The following ZDHHC15 variants were observed in gnomAD, a reference collection of about 807,000 sequenced individuals.
ZDHHC15 encodes palmitoyltransferase ZDHHC15.
In ZDHHC15, 19 loss-of-function variants were observed where a neutral mutation model predicts 31.7. The ratio of observed to expected loss-of-function variants is 0.60; its 90% CI spans 0.42 to 0.88. ZDHHC15 has a LOEUF of 0.88. ZDHHC15 is among the 40% of genes least tolerant of loss of function. ZDHHC15 has a pLI of 0.00. For synonymous variants in ZDHHC15, 103 were observed against 90.0 expected, an observed-to-expected ratio of 1.14 and a Z score of -0.82; for missense variants, 209 against 251.2, an observed-to-expected ratio of 0.83 and a Z score of 1.14.
At position 75,496,971 on chromosome X, in the gene ZDHHC15, GA is replaced by G. The variant is rs201842550; in HGVS notation, c.163+8849del. 3.0e-3 allele frequency among the ~76,000 whole-genome samples: 316 copies of G among 106,222 alleles called. 1 individual carries two copies. Among genetic ancestry groups the G allele is most frequent in the African/African-American group, 0.01 (296 of 29,312 alleles). 92.2% of individuals were successfully genotyped at this position (106,222 alleles called of 115,157 possible). A position where few individuals can be genotyped will look rare whatever the true frequency, so the allele number is the denominator to read the frequency against. ...AGAACAAACCAAACCAAAGCAAGTG[GA>G]AAAAAAAAGTAACAAAGTCAGAGCA... On this transcript the variant is annotated intron_variant, in intron 2 of 11. Coordinates refer to ENST00000373367, the MANE Select transcript of ZDHHC15 (RefSeq NM_144969.3).
At chrX:75,445,429 T>C (rs1331847843) in intron 4 of ZDHHC15, among the ~76,000 whole-genome samples, 1 of 112,035 alleles carries the variant, frequency 8.9e-6, no homozygotes, top group African/African-American at 3.2e-5. Context: ...GGTGACTATA[T>C]ATGATAATAT....
chrX:75,501,108 T>A (rs1303430819), intron 2 of ZDHHC15, among the ~76,000 whole-genome samples: 2 of 110,919 alleles, frequency 1.8e-5, no homozygotes, highest in Non-Finnish European at 3.8e-5. Flanking sequence ...TTTCTGTTCC[T>A]CTGCCTCCTC....
At chrX:75,522,423 C>A (rs1569378053) in intron 1 of ZDHHC15, among the ~76,000 whole-genome samples, 1 of 111,206 alleles carries the variant, frequency 9.0e-6, no homozygotes, top group East Asian at 2.9e-4. Context: ...AGTAGGAAAT[C>A]CCTAGTAGGA....
chrX:75,403,627 C>T (rs1049824801), intron 10 of ZDHHC15, among the ~76,000 whole-genome samples: 2 of 111,647 alleles, frequency 1.8e-5, no homozygotes, highest in Non-Finnish European at 3.8e-5. Context: ...TTCCCATTCA[C>T]AATTGCCACA....
chrX:75,375,336 T>C (rs758446837), intron 11 of ZDHHC15, among the ~76,000 whole-genome samples: 1 of 112,546 alleles, frequency 8.9e-6, no homozygotes, highest in South Asian at 3.7e-4. Flanking sequence ...ACAAGTTTAA[T>C]GTTTATTTTT....
intron 11 of ZDHHC15, among the ~76,000 whole-genome samples, chrX:75,375,021 A>G (rs1343855848): frequency 9.0e-6 from 1 of 111,512 alleles, no homozygotes; most frequent in Non-Finnish European, 1.9e-5. Flanking sequence ...AACTCACCAG[A>G]TTGTATATTA....
intron 2 of ZDHHC15, among the ~76,000 whole-genome samples, chrX:75,485,134 G>C (rs2084756619): frequency 9.0e-6 from 1 of 111,281 alleles, no homozygotes. Flanking sequence ...TATAGTGGTG[G>C]TTTTTACATT....
At chrX:75,492,968 C>A (rs1289391189) in intron 2 of ZDHHC15, among the ~76,000 whole-genome samples, 1 of 111,496 alleles carries the variant, frequency 9.0e-6, no homozygotes. Flanking sequence ...ACAAAAAAAT[C>A]CTTCAAAAAA....
At chrX:75,419,555 T>C (rs1457495005) in intron 9 of ZDHHC15, among the ~76,000 whole-genome samples, 1 of 110,847 alleles carries the variant, frequency 9.0e-6, no homozygotes, top group Non-Finnish European at 1.9e-5. Context: ...TCCTCAGGGA[T>C]CTAGAACTAG....
chrX:75,463,206 A>C (rs1186054744), intron 3 of ZDHHC15, among the ~76,000 whole-genome samples: 1 of 111,361 alleles, frequency 9.0e-6, no homozygotes, highest in Non-Finnish European at 1.9e-5. Context: ...CTGAACAAGG[A>C]AGAAATTAAA....
chrX:75,479,755 A>G (rs1307270115), intron 2 of ZDHHC15, among the ~76,000 whole-genome samples: 3 of 111,635 alleles, frequency 2.7e-5, no homozygotes, highest in Non-Finnish European at 5.7e-5. Flanking sequence ...GAGTGAGAAC[A>G]TGAGGTATTT....
chrX:75,379,683 C>T (rs1207963820), intron 10 of ZDHHC15, among the ~76,000 whole-genome samples: 3 of 112,109 alleles, frequency 2.7e-5, no homozygotes, highest in Non-Finnish European at 5.6e-5. Flanking sequence ...TTGTTTCTGA[C>T]CTCCAGCCTT....
At chrX:75,407,841 G>A (rs1212054982) in intron 10 of ZDHHC15, among the ~76,000 whole-genome samples, 1 of 112,329 alleles carries the variant, frequency 8.9e-6, no homozygotes, top group Non-Finnish European at 1.9e-5. Flanking sequence ...GTAGACATAG[G>A]AGACTCCATT....
At chrX:75,479,759 G>A (rs780913211) in intron 2 of ZDHHC15, among the ~76,000 whole-genome samples, 1 of 111,445 alleles carries the variant, frequency 9.0e-6, no homozygotes, top group Non-Finnish European at 1.9e-5. Context: ...GAGAACATGA[G>A]GTATTTGTCT....
intron 4 of ZDHHC15, among the ~76,000 whole-genome samples, chrX:75,432,579 T>A (rs2083794232): frequency 8.9e-6 from 1 of 111,814 alleles, no homozygotes; most frequent in South Asian, 3.7e-4. Context: ...TTAAGCCACA[T>A]TGTCTCTTAG....
chrX:75,424,758 C>T lies in ZDHHC15; in HGVS notation c.630G>A (p.Lys210=). 8.3e-7 allele frequency: 1 copy of T among 1,201,895 alleles called. No individual in the cohort carries two copies. Among genetic ancestry groups the T allele is most frequent in the Non-Finnish European group, 1.1e-6 (1 of 891,120 alleles). Residue 210 remains lysine (K), a synonymous_variant, in exon 8 of 12, where the codon AAG becomes AAA. Coordinates refer to ENST00000373367, the MANE Select transcript of ZDHHC15 (RefSeq NM_144969.3). The part of the protein sequence containing the change: ...WRGELPSVRS[K]FHVLFLLFVA... The stretch of plus-strand genomic sequence containing the variant: ...CAAAGAGAAGAAAAAGGACATGGAA[C>T]TTAGAGCGAACACTGGGTAATTCCC...
intron 10 of ZDHHC15, among the ~76,000 whole-genome samples, chrX:75,410,103 C>T (rs1474519400): frequency 9.0e-6 from 1 of 111,518 alleles, no homozygotes. Flanking sequence ...GGATTGAAGA[C>T]TTAAATCTAA....
At chrX:75,433,693 G>A (rs1264888249) in intron 4 of ZDHHC15, among the ~76,000 whole-genome samples, 65 of 4,142 alleles carry the variant, frequency 0.016, 1 homozygote, top group African/African-American at 0.02. Flanking sequence ...GTGTGTGTGT[G>A]TGTGTATATA....
At chrX:75,436,241 T>A (rs914003111) in intron 4 of ZDHHC15, among the ~76,000 whole-genome samples, 1 of 112,210 alleles carries the variant, frequency 8.9e-6, no homozygotes, top group South Asian at 3.7e-4. Context: ...TCTTGGTTTA[T>A]CTCACTAATT....
Sources: allele counts gnomAD v4.1 joint callset (sites outside exome capture counted in the v4.1 genomes callset), GRCh38; gene constraint gnomAD v4.1.1; transcripts MANE v1.5; gene names NCBI Gene and HGNC (gene_info 2026-07-23, HGNC 2026-07-21).